The following ITGA8 variants were observed in gnomAD, a reference collection of about 807,000 sequenced individuals.
ITGA8 encodes integrin alpha-8.
Under a neutral mutation model 142.3 loss-of-function variants are expected in ITGA8, and 91 were observed. That is an observed-to-expected ratio of 0.64 (90% CI 0.54 to 0.76). The LOEUF is 0.76. ITGA8 is among the 30% of genes least tolerant of loss of function. ITGA8 has a pLI of 0.00. For missense variants in ITGA8, 1,406 were observed against 1,327.7 expected, an observed-to-expected ratio of 1.06 and a Z score of -0.92; for synonymous variants, 505 against 485.2, an observed-to-expected ratio of 1.04 and a Z score of -0.54.
chr10:15,682,996 T>G (rs1256224815), intron 4 of ITGA8, among the ~76,000 whole-genome samples: 2 of 152,144 alleles, frequency 1.3e-5, no homozygotes, highest in Admixed American at 6.5e-5. Flanking sequence ...TTCCCTACAT[T>G]AATCCTGAAA....
chr10:15,703,971 A>G (rs1295293283), intron 2 of ITGA8, among the ~76,000 whole-genome samples: 2 of 152,212 alleles, frequency 1.3e-5, no homozygotes, highest in African/African-American at 4.8e-5. Flanking sequence ...CTACTATCTC[A>G]TCAAAGTTGA....
intron 24 of ITGA8, among the ~76,000 whole-genome samples, 177 bp downstream of exon 24, chr10:15,575,312 C>A (rs926612089): frequency 6.6e-6 from 1 of 152,074 alleles, no homozygotes; most frequent in Non-Finnish European, 1.5e-5. Flanking sequence ...ATTGTTTGAG[C>A]CCAGAAAGTC....
chr10:15,519,283 A>T lies in ITGA8; in HGVS notation c.3105+7T>A. The T allele has an allele frequency of 6.2e-7, 1 of 1,613,278 alleles. No homozygotes were observed. Among genetic ancestry groups the T allele is most frequent in the Non-Finnish European group, 8.5e-7 (1 of 1,179,768 alleles). ...GTTTAAAAGGAAAACAAAGTAAATC[A>T]ACTTACCTTCCATAAAGCTAAGGTT... is the stretch of plus-strand genomic sequence containing the variant. On this transcript the variant is annotated splice_region_variant and intron_variant, in intron 29 of 29. Coordinates refer to ENST00000378076, the MANE Select transcript of ITGA8 (RefSeq NM_003638.3).
chr10:15,705,950 C>T (rs368084386), intron 2 of ITGA8, among the ~76,000 whole-genome samples: 1 of 152,128 alleles, frequency 6.6e-6, no homozygotes, highest in East Asian at 1.9e-4. Flanking sequence ...CACCTCTTTT[C>T]TGCTCTTGTG....
rs577075073 is a variant in ITGA8, at chr10:15,533,970, G to A, written c.2881-2819C>T. ...TGCCCAGGCTAGAGTGCAATGGTGT[G>A]ATCTCGGCTCACTGCAACCTCCACC... On this transcript the variant is annotated intron_variant, in intron 27 of 29. Transcript: ENST00000378076. Among the ~76,000 whole-genome samples, 4 of 149,902 alleles carry A rather than the reference G, an allele frequency of 2.7e-5. No homozygotes were observed. The East Asian group carries it at 7.8e-4, about 29-fold the overall frequency.
At chr10:15,584,708 A>G (rs1177898383) in intron 23 of ITGA8, among the ~76,000 whole-genome samples, 1 of 152,212 alleles carries the variant, frequency 6.6e-6, no homozygotes, top group Non-Finnish European at 1.5e-5. Context: ...GCAAAAAGGA[A>G]AATAATAAAA....
At chr10:15,673,177 G>T (rs971194090) in intron 6 of ITGA8, among the ~76,000 whole-genome samples, 2 of 152,064 alleles carry the variant, frequency 1.3e-5, no homozygotes, top group Admixed American at 1.3e-4. Context: ...TCTGTCTCCC[G>T]GGTTCAAGTG....
chr10:15,547,643 C>T (rs17137408), intron 27 of ITGA8, among the ~76,000 whole-genome samples: 28,490 of 152,154 alleles, frequency 0.19, 3,449 homozygotes, highest in African/African-American at 0.34. Context: ...GGATGCAGAG[C>T]CAACCACAGG....
intron 2 of ITGA8, among the ~76,000 whole-genome samples, chr10:15,691,989 T>G (rs1405908006): frequency 1.3e-5 from 2 of 152,198 alleles, no homozygotes; most frequent in Non-Finnish European, 2.9e-5. Flanking sequence ...CAGGCTAGAA[T>G]GCAGTGGCAC....
In ITGA8 at chr10:15,678,938, T is replaced by C. The variant is rs565567793; in HGVS notation, c.569-155A>G. ...GTTTATTTTTAAAATGTTGTTCAAG[T>C]AATTTATTAAACATATTTCTGTCTG... On this transcript the variant is annotated intron_variant, in intron 4 of 29. Coordinates refer to ENST00000378076, the MANE Select transcript of ITGA8 (RefSeq NM_003638.3). Among the ~76,000 whole-genome samples the C allele has an allele frequency of 2.0e-5, 3 of 152,370 alleles. No individual in the cohort carries two copies. In the East Asian group the frequency reaches 5.8e-4, roughly 29 times the overall value.
chr10:15,526,397 A>T (rs755250361), intron 28 of ITGA8, among the ~76,000 whole-genome samples: 4 of 152,040 alleles, frequency 2.6e-5, no homozygotes, highest in Non-Finnish European at 5.9e-5. Flanking sequence ...GCTGGTCTCA[A>T]ACTCCCGACC....
intron 2 of ITGA8, among the ~76,000 whole-genome samples, chr10:15,695,701 T>C (rs1266093638): frequency 6.6e-6 from 1 of 152,224 alleles, no homozygotes; most frequent in Non-Finnish European, 1.5e-5. Context: ...ATACATTTCC[T>C]AGACTTTCTA....
intron 15 of ITGA8, among the ~76,000 whole-genome samples, chr10:15,610,684 G>C (rs888589412): frequency 6.6e-6 from 1 of 152,176 alleles, no homozygotes; most frequent in African/African-American, 2.4e-5. Context: ...GCTCACAGCT[G>C]TCTATGATGA....
intron 29 of ITGA8, 116 bp downstream of exon 29, chr10:15,519,174 G>T: frequency 1.7e-6 from 2 of 1,190,958 alleles, no homozygotes; most frequent in Non-Finnish European, 2.4e-6. Flanking sequence ...CCTTCAGACT[G>T]TTCAAAATTT....
intron 13 of ITGA8, among the ~76,000 whole-genome samples, chr10:15,627,744 C>T (rs10904603): frequency 0.67 from 101,988 of 151,936 alleles, 35,888 homozygotes; most frequent in South Asian, 0.86. Context: ...GTTTTTATGC[C>T]TCCTACTGTC....
At chr10:15,697,169 G>C (rs1186543553) in intron 2 of ITGA8, among the ~76,000 whole-genome samples, 1 of 152,000 alleles carries the variant, frequency 6.6e-6, no homozygotes, top group African/African-American at 2.4e-5. Flanking sequence ...CTATCTATAA[G>C]ATAGACTAAG....
intron 15 of ITGA8, 59 bp downstream of exon 15, chr10:15,613,601 C>T: frequency 1.7e-6 from 2 of 1,183,468 alleles, no homozygotes; most frequent in Non-Finnish European, 2.5e-6. Context: ...GTATTTTTCA[C>T]AAGATACCCA....
Position 15,537,225 on chromosome 10 carries a change from T to G in ITGA8, c.2881-6074A>C, listed in dbSNP as rs190696126. 1.2e-4 allele frequency among the ~76,000 whole-genome samples: 19 copies of G among 152,318 alleles called. No individual in the cohort carries two copies. The East Asian group carries it at 3.7e-3, about 29-fold the overall frequency. On this transcript the variant is annotated intron_variant, in intron 27 of 29. Coordinates refer to ENST00000378076, the MANE Select transcript of ITGA8 (RefSeq NM_003638.3). ...CTGGATTAGGAGGGCAGAAAACGTT[T>G]CCCTCTTCCTGGTTTGTATGACAAA...
chr10:15,549,199 C>CTTTTTTTTTTT (rs1564346419), intron 26 of ITGA8, among the ~76,000 whole-genome samples: 2 of 48,834 alleles, frequency 4.1e-5, no homozygotes, highest in African/African-American at 1.7e-4. Flanking sequence ...CTTTTCTTTT[C>CTTTTTTTTTTT]TGTTTTTTTT....
Sources: allele counts gnomAD v4.1 joint callset (sites outside exome capture counted in the v4.1 genomes callset), GRCh38; gene constraint gnomAD v4.1.1; transcripts MANE v1.5; gene names NCBI Gene and HGNC (gene_info 2026-07-23, HGNC 2026-07-21).